ST6GAL2: variants seen among roughly 807,000 people sequenced by gnomAD.
The protein encoded by ST6GAL2 is ST6 beta-galactoside alpha-2,6-sialyltransferase 2, also known as beta-galactoside alpha-2,6-sialyltransferase 2.
Under a neutral mutation model 37.5 loss-of-function variants are expected in ST6GAL2, and 24 were observed. The observed-to-expected ratio is 0.64, with a 90% CI of 0.46 to 0.90. The LOEUF is 0.90. Among genes scored for constraint, ST6GAL2 ranks in the 40% least tolerant of loss-of-function variants. The pLI, the probability that ST6GAL2 is intolerant of heterozygous loss-of-function variation, is 0.00. For synonymous variants in ST6GAL2, 306 were observed against 295.1 expected (o/e 1.04, Z -0.38); for missense variants, 715 against 712.7 (o/e 1.00, Z -0.04).
At chr2:106,840,677 G>C (rs1009298394) in intron 2 of ST6GAL2, among the ~76,000 whole-genome samples, 1 of 152,152 alleles carries the variant, frequency 6.6e-6, no homozygotes, top group Non-Finnish European at 1.5e-5. Context: ...GATATAACTG[G>C]CATTTCAAGT....
At chr2:106,815,362 G>A (rs771606411) in intron 5 of ST6GAL2, among the ~76,000 whole-genome samples, 3 of 152,172 alleles carry the variant, frequency 2.0e-5, no homozygotes, top group Non-Finnish European at 2.9e-5. Context: ...TACATACATA[G>A]AGTAATGACT....
At position 106,866,610 on chromosome 2, in the gene ST6GAL2, A is replaced by C. The variant is rs73949796; in HGVS notation, c.-58+19483T>G. Among the ~76,000 whole-genome samples the C allele has an allele frequency of 2.7e-3, 404 of 152,342 alleles. 2 individuals are homozygous for C. Among genetic ancestry groups the C allele is most frequent in the African/African-American group, 9.3e-3 (385 of 41,582 alleles). ...TCTGTCAGAACCAGAACTAGCTTCA[A>C]ACACAAAAGTAAGGCAATTGTACTT... On this transcript the variant is annotated intron_variant, in intron 1 of 5. Transcript: ENST00000409382.
chr2:106,831,545 A>G lies in ST6GAL2; in HGVS notation c.1143+1020T>C, dbSNP rs115923968. On this transcript the variant is annotated intron_variant, in intron 4 of 5. Transcript: ENST00000409382. ...CAGCGGAGGGTACATATGAGAATCAAAGAGCCCTCTCAAAAAATATACATT... is the reference window on the plus strand; with the variant it reads ...CAGCGGAGGGTACATATGAGAATCAGAGAGCCCTCTCAAAAAATATACATT... Among the ~76,000 whole-genome samples, 1,002 of 152,346 alleles carry G rather than the reference A, an allele frequency of 6.6e-3. 15 individuals carry two copies. Among genetic ancestry groups the G allele is most frequent in the African/African-American group, 0.023 (939 of 41,574 alleles).
At chr2:106,851,623 T>C (rs141077696) in intron 1 of ST6GAL2, among the ~76,000 whole-genome samples, 15 of 152,214 alleles carry the variant, frequency 9.9e-5, no homozygotes, top group African/African-American at 3.4e-4. Context: ...GCCTTGTGGT[T>C]GACAAGCTTT....
rs908984514 is a variant in ST6GAL2 at position 106,852,633 on chromosome 2, T to C, written c.-57-8599A>G. 2.2e-4 allele frequency among the ~76,000 whole-genome samples: 33 copies of C among 152,168 alleles called. 1 individual carries two copies. The highest frequency in any genetic ancestry group is 1.0e-3 in the Admixed American group (16 of 15,276). On this transcript the variant is annotated intron_variant, in intron 1 of 5. Coordinates refer to ENST00000409382, the MANE Select transcript of ST6GAL2 (RefSeq NM_001142351.2). ...AAATTAAGAAAATAAGTGGGGGGAA[T>C]GTACTGCAATGGCATTGCCTGACCA...
At chr2:106,862,111 ACAGT>A (rs1350592805) in intron 1 of ST6GAL2, among the ~76,000 whole-genome samples, 2 of 152,232 alleles carry the variant, frequency 1.3e-5, no homozygotes, top group Admixed American at 6.5e-5. Flanking sequence ...TTGAAGCCAC[ACAGT>A]CAGACATGAA....
chr2:106,870,125 C>G (rs1016694844), intron 1 of ST6GAL2, among the ~76,000 whole-genome samples: 2 of 152,052 alleles, frequency 1.3e-5, no homozygotes, highest in Non-Finnish European at 2.9e-5. Flanking sequence ...CAGTCTGCTG[C>G]TTTTTGCACA....
chr2:106,860,570 T>G (rs1677757777), intron 1 of ST6GAL2, among the ~76,000 whole-genome samples: 1 of 152,174 alleles, frequency 6.6e-6, no homozygotes, highest in Non-Finnish European at 1.5e-5. Context: ...CACCACGTAC[T>G]GCAACACGGG....
At chr2:106,807,239 G>A (rs1347996650) in intron 5 of ST6GAL2, among the ~76,000 whole-genome samples, 1 of 152,036 alleles carries the variant, frequency 6.6e-6, no homozygotes, top group Non-Finnish European at 1.5e-5. Context: ...TGAACTTGAG[G>A]GAACCACACG....
intron 1 of ST6GAL2, among the ~76,000 whole-genome samples, chr2:106,866,574 A>G (rs1475667123): frequency 6.6e-6 from 1 of 152,194 alleles, no homozygotes; most frequent in African/African-American, 2.4e-5. Context: ...CAGCTCCCAG[A>G]GGCCATGCTT....
intron 2 of ST6GAL2, among the ~76,000 whole-genome samples, chr2:106,835,940 CA>C (rs1676617385): frequency 6.6e-6 from 1 of 151,958 alleles, no homozygotes; most frequent in Admixed American, 6.6e-5. Context: ...AATGTTTTGT[CA>C]AAAAATTCAA....
chr2:106,871,630 T>A (rs1417768234), intron 1 of ST6GAL2, among the ~76,000 whole-genome samples: 1 of 152,236 alleles, frequency 6.6e-6, no homozygotes, highest in East Asian at 1.9e-4. Context: ...TTTTTTAAAT[T>A]TTTTTGTTAA....
chr2:106,835,121 A>G (rs1261761271), intron 2 of ST6GAL2: 1 of 152,278 alleles, frequency 6.6e-6, no homozygotes, highest in Admixed American at 6.5e-5. Flanking sequence ...TGAAATTCCT[A>G]GAAACCAGCC....
At chr2:106,846,823 A>G (rs1033722895) in intron 1 of ST6GAL2, among the ~76,000 whole-genome samples, 4 of 152,194 alleles carry the variant, frequency 2.6e-5, no homozygotes, top group Admixed American at 6.5e-5. Flanking sequence ...CTATATATAC[A>G]GGTCTGTGGT....
At chr2:106,814,552 T>C (rs943965341) in intron 5 of ST6GAL2, among the ~76,000 whole-genome samples, 1 of 150,622 alleles carries the variant, frequency 6.6e-6, no homozygotes, top group African/African-American at 2.4e-5. Context: ...GAATTGGCAA[T>C]TGTACCTTAA....
Position 106,850,530 on chromosome 2 carries a change from G to A in ST6GAL2, c.-57-6496C>T, listed in dbSNP as rs187301477. Among the ~76,000 whole-genome samples the A allele has an allele frequency of 2.6e-5, 4 of 152,306 alleles. No individual in the cohort carries two copies. The East Asian group carries it at 5.8e-4, about 22-fold the overall frequency. ...AAAAGCCTCCACTGCAGCCTCTGGA[G>A]CTGCAAACCTTCTGCTGCCAATTGA... On this transcript the variant is annotated intron_variant, in intron 1 of 5. Coordinates refer to ENST00000409382, the MANE Select transcript of ST6GAL2 (RefSeq NM_001142351.2).
In ST6GAL2 at chr2:106,837,377, C is replaced by T. The variant is rs1268251148; in HGVS notation, c.944-3231G>A. The stretch of plus-strand genomic sequence containing the variant: ...TGTGCTAAGAAGCCCCTGTCTCATG[C>T]ATCATTCATTGTGTTTGTACCACCA... On this transcript the variant is annotated intron_variant, in intron 2 of 5. Transcript: ENST00000409382. Among the ~76,000 whole-genome samples the T allele has an allele frequency of 2.0e-5, 3 of 152,298 alleles. No individual in the cohort carries two copies. In the East Asian group the frequency reaches 5.8e-4, roughly 29 times the overall value.
At chr2:106,841,124 G>C (rs1676864864) in intron 2 of ST6GAL2, 1 of 152,184 alleles carries the variant, frequency 6.6e-6, no homozygotes, top group Non-Finnish European at 1.5e-5. Flanking sequence ...CTTGATTCCA[G>C]ACTCACTGTC....
rs1443893427 is a variant in ST6GAL2 at position 106,843,176 on chromosome 2, C to T, written c.802G>A (p.Glu268Lys). ...CAGCCCAGCGCAGAAAAGGGCGCCT[C>T]GGTGCCGTCCAGCGTCCGCACGCGC... ...RARVRTLDGTEAPFSALGWRR... is the reference protein window; with the variant it reads ...RARVRTLDGTKAPFSALGWRR... The change falls in exon 2 of 6, where the codon GAG (glutamate) becomes AAG (lysine). Residue 268 changes from glutamate to lysine, a missense_variant. Coordinates refer to ENST00000409382, the MANE Select transcript of ST6GAL2 (RefSeq NM_001142351.2). The T allele has an allele frequency of 1.9e-6, 3 of 1,554,506 alleles. No individual in the cohort carries two copies. Among genetic ancestry groups the T allele is most frequent in the Admixed American group, 2.0e-5 (1 of 50,058 alleles).
Sources: allele counts gnomAD v4.1 joint callset (sites outside exome capture counted in the v4.1 genomes callset), GRCh38; gene constraint gnomAD v4.1.1; transcripts MANE v1.5; gene names NCBI Gene and HGNC (gene_info 2026-07-23, HGNC 2026-07-21).